The following RAP1GDS1 variants were observed in gnomAD, a reference collection of about 807,000 sequenced individuals.
RAP1GDS1 encodes the protein Rap1 GTPase-GDP dissociation stimulator 1.
RAP1GDS1 carries 35 observed loss-of-function variants against 71.1 expected under a neutral mutation model. That is an observed-to-expected ratio of 0.49 (90% CI 0.38 to 0.65). The LOEUF is 0.65. RAP1GDS1 is among the 30% of genes least tolerant of loss of function. The probability of loss-of-function intolerance (pLI) is 0.00; values close to 1 mark genes in which losing one functional copy is unlikely to be tolerated. For synonymous variants in RAP1GDS1, 229 were observed against 243.1 expected (o/e 0.94, Z 0.54); for missense variants, 663 against 706.1 (o/e 0.94, Z 0.69).
At chr4:98,390,531 C>T (rs1464899864) in intron 5 of RAP1GDS1, among the ~76,000 whole-genome samples, 2 of 152,068 alleles carry the variant, frequency 1.3e-5, no homozygotes, top group Non-Finnish European at 2.9e-5. Flanking sequence ...CACAACCAAA[C>T]CAGATAATTA....
Position 98,293,420 on chromosome 4 carries a change from A to G in RAP1GDS1, c.17A>G (p.Asp6Gly), listed in dbSNP as rs1490893505. 1 of 1,599,882 alleles carries G rather than the reference A, an allele frequency of 6.3e-7. No individual in the cohort carries two copies. The highest frequency in any genetic ancestry group is 8.5e-7 in the Non-Finnish European group (1 of 1,174,934). MDNLS[D>G]TLKKLKITAV... The stretch of plus-strand genomic sequence containing the variant: ...TTTCTTTAAGCAGATAATCTCAGTG[A>G]TACCTTGAAGAAGCTGAAGATAACA... The change falls in exon 2 of 15, where the codon GAT becomes GGT. Residue 6 changes from aspartate (D) to glycine (G), a missense_variant. Asp to Gly is a moderately conservative substitution (Grantham distance 94). Coordinates refer to ENST00000408927, the MANE Select transcript of RAP1GDS1 (RefSeq NM_001100427.2).
At chr4:98,389,202 A>C (rs1743231286) in intron 5 of RAP1GDS1, among the ~76,000 whole-genome samples, 1 of 152,154 alleles carries the variant, frequency 6.6e-6, no homozygotes, top group Non-Finnish European at 1.5e-5. Flanking sequence ...TGATCCTCTG[A>C]AAGGGTTCCA....
chr4:98,438,907 G>A (rs140400250), intron 14 of RAP1GDS1, among the ~76,000 whole-genome samples: 1,620 of 151,948 alleles, frequency 0.011, 9 homozygotes, highest in Middle Eastern at 0.02. Context: ...AGCCTCTCAC[G>A]TATATCATTC....
At chr4:98,369,782 A>G (rs1740075364) in intron 4 of RAP1GDS1, among the ~76,000 whole-genome samples, 1 of 152,164 alleles carries the variant, frequency 6.6e-6, no homozygotes, top group Non-Finnish European at 1.5e-5. Context: ...TTGCTAAGGT[A>G]TGTAGAGCTG....
At chr4:98,276,386 A>G (rs1466463940) in intron 1 of RAP1GDS1, among the ~76,000 whole-genome samples, 1 of 152,104 alleles carries the variant, frequency 6.6e-6, no homozygotes, top group Non-Finnish European at 1.5e-5. Context: ...TACTCCTTAG[A>G]CATATTTTGT....
intron 1 of RAP1GDS1, among the ~76,000 whole-genome samples, chr4:98,266,954 G>A (rs1180329921): frequency 2.6e-5 from 4 of 152,078 alleles, no homozygotes; most frequent in Non-Finnish European, 5.9e-5. Flanking sequence ...ACTAACAACA[G>A]CCATCAGAAT....
intron 7 of RAP1GDS1, among the ~76,000 whole-genome samples, chr4:98,414,392 C>G (rs71612629): frequency 9.4e-6 from 1 of 105,834 alleles, no homozygotes; most frequent in African/African-American, 5.7e-5. Flanking sequence ...TGATTTTTGT[C>G]TAAGGTGTAA....
At chr4:98,423,439 T>C (rs1449933645) in intron 12 of RAP1GDS1, among the ~76,000 whole-genome samples, 3 of 152,364 alleles carry the variant, frequency 2.0e-5, no homozygotes, top group East Asian at 1.9e-4. Flanking sequence ...AGTTAAGATA[T>C]ATGGACTTGA....
At chr4:98,434,994 A>C (rs1750948823) in intron 13 of RAP1GDS1, among the ~76,000 whole-genome samples, 1 of 152,226 alleles carries the variant, frequency 6.6e-6, no homozygotes, top group Non-Finnish European at 1.5e-5. Context: ...TATGAATAGC[A>C]TAAGCTGGAT....
At chr4:98,428,250 G>A (rs1226115912) in intron 12 of RAP1GDS1, among the ~76,000 whole-genome samples, 2 of 152,000 alleles carry the variant, frequency 1.3e-5, no homozygotes, top group Non-Finnish European at 2.9e-5. Flanking sequence ...AAAAATTCTA[G>A]AAGATAATAT....
At chr4:98,361,295 ATATT>A (rs1050326549) in intron 4 of RAP1GDS1, among the ~76,000 whole-genome samples, 2 of 152,004 alleles carry the variant, frequency 1.3e-5, no homozygotes, top group African/African-American at 4.8e-5. Flanking sequence ...TATATTTAAA[ATATT>A]TATAAAACGT....
intron 7 of RAP1GDS1, among the ~76,000 whole-genome samples, chr4:98,413,117 G>C (rs549279520): frequency 6.6e-6 from 1 of 152,166 alleles, no homozygotes; most frequent in South Asian, 2.1e-4. Context: ...CAGGAGACCA[G>C]GGCGTATTTC....
At chr4:98,425,790 T>G (rs1381538412) in intron 12 of RAP1GDS1, among the ~76,000 whole-genome samples, 1 of 152,068 alleles carries the variant, frequency 6.6e-6, no homozygotes, top group Non-Finnish European at 1.5e-5. Flanking sequence ...ACTTCAATAC[T>G]CCACTGACAG....
intron 4 of RAP1GDS1, among the ~76,000 whole-genome samples, chr4:98,356,216 G>A (rs1210907502): frequency 6.6e-6 from 1 of 152,036 alleles, no homozygotes. Flanking sequence ...AAGCGCAGTA[G>A]TATTATATTT....
chr4:98,414,675 C>T (rs985082940), intron 7 of RAP1GDS1, among the ~76,000 whole-genome samples: 5 of 150,696 alleles, frequency 3.3e-5, no homozygotes, highest in African/African-American at 1.2e-4. Context: ...GTTCTTTTGG[C>T]TTAGGATTGA....
intron 5 of RAP1GDS1, among the ~76,000 whole-genome samples, chr4:98,386,430 G>A (rs954131156): frequency 2.0e-5 from 3 of 151,764 alleles, no homozygotes; most frequent in African/African-American, 7.3e-5. Context: ...GGGAAATTTT[G>A]CCATGTAGAG....
At chr4:98,358,164 T>G (rs1267985782) in intron 4 of RAP1GDS1, among the ~76,000 whole-genome samples, 1 of 152,060 alleles carries the variant, frequency 6.6e-6, no homozygotes, top group East Asian at 1.9e-4. Context: ...AAACAACTTT[T>G]GAGACAAAAT....
intron 1 of RAP1GDS1, among the ~76,000 whole-genome samples, chr4:98,278,533 A>T (rs889810422): frequency 6.6e-6 from 1 of 152,216 alleles, no homozygotes; most frequent in Non-Finnish European, 1.5e-5. Flanking sequence ...GTCACTAATC[A>T]TGGTTAAACT....
At chr4:98,362,139 T>A (rs909892526) in intron 4 of RAP1GDS1, among the ~76,000 whole-genome samples, 4 of 152,184 alleles carry the variant, frequency 2.6e-5, no homozygotes, top group African/African-American at 9.7e-5. Flanking sequence ...AGAATTTAAT[T>A]TTCTTTCCTA....
Sources: allele counts gnomAD v4.1 joint callset (sites outside exome capture counted in the v4.1 genomes callset), GRCh38; gene constraint gnomAD v4.1.1; transcripts MANE v1.5; gene names NCBI Gene and HGNC (gene_info 2026-07-23, HGNC 2026-07-21).